SVEP1: variants seen among roughly 807,000 people sequenced by gnomAD.
The protein encoded by SVEP1 is sushi, von Willebrand factor type A, EGF and pentraxin domain-containing protein 1.
SVEP1 carries 164 observed loss-of-function variants against 367.3 expected under a neutral mutation model. The observed-to-expected ratio is 0.45, with a 90% confidence interval of 0.39 to 0.51. The LOEUF is 0.51. Among genes scored for constraint, SVEP1 ranks in the 20% least tolerant of loss-of-function variants. The pLI is 0.00. For synonymous variants in SVEP1, 1,666 were observed against 1,611.6 expected (o/e 1.03, Z -0.81); for missense variants, 4,117 against 4,425.3 (o/e 0.93, Z 1.98).
intron 1 of SVEP1, among the ~76,000 whole-genome samples, chr9:110,578,764 C>T (rs1248729072): frequency 6.6e-6 from 1 of 152,196 alleles, no homozygotes; most frequent in Non-Finnish European, 1.5e-5. Flanking sequence ...CCCTTCCTAA[C>T]AGGGTCCTCG....
chr9:110,386,692 G>C (rs1244369122), intron 42 of SVEP1, among the ~76,000 whole-genome samples: 4 of 152,154 alleles, frequency 2.6e-5, no homozygotes, highest in African/African-American at 9.7e-5. Context: ...CTTAGCGCAA[G>C]TGTGTGACAC....
At chr9:110,410,358 T>C (rs980001768) in intron 37 of SVEP1, among the ~76,000 whole-genome samples, 8 of 152,212 alleles carry the variant, frequency 5.3e-5, no homozygotes, top group African/African-American at 1.9e-4. Context: ...CTGAACTCTT[T>C]TGTCCATCAC....
At chr9:110,403,583 G>A (rs959918026) in intron 39 of SVEP1, among the ~76,000 whole-genome samples, 3 of 151,638 alleles carry the variant, frequency 2.0e-5, no homozygotes, top group Admixed American at 1.3e-4. Flanking sequence ...GATTACAGGC[G>A]TGAGCCACCG....
In SVEP1 at chr9:110,366,173, A is replaced by T. The variant is rs1827196340; in HGVS notation, c.*366T>A. ...TCATAAAATGGTACTATCCAGCAAA[A>T]TATTATTTAGTAGCAAAATATACTT... On this transcript the variant is annotated 3_prime_UTR_variant, in exon 48 of 48. Coordinates refer to ENST00000374469, the MANE Select transcript of SVEP1 (RefSeq NM_153366.4). The T allele has an allele frequency of 5.6e-6, 1 of 179,782 alleles. No homozygotes were observed. The highest frequency in any genetic ancestry group is 6.2e-5 in the Admixed American group (1 of 16,254). 11.1% of individuals were successfully genotyped at this position (179,782 alleles called of 1,614,324 possible).
intron 24 of SVEP1, among the ~76,000 whole-genome samples, chr9:110,449,432 A>G (rs1391546517): frequency 6.6e-6 from 1 of 152,230 alleles, no homozygotes; most frequent in Non-Finnish European, 1.5e-5. Flanking sequence ...TTTATCTGGT[A>G]TAAAAACTTT....
At chr9:110,404,753 G>A (rs890963442) in intron 38 of SVEP1, among the ~76,000 whole-genome samples, 1 of 152,130 alleles carries the variant, frequency 6.6e-6, no homozygotes, top group South Asian at 2.1e-4. Flanking sequence ...AGCTGGGTGC[G>A]GTGGCTCATG....
At chr9:110,551,028 G>A (rs1207525854) in intron 1 of SVEP1, among the ~76,000 whole-genome samples, 1 of 152,044 alleles carries the variant, frequency 6.6e-6, no homozygotes, top group African/African-American at 2.4e-5. Flanking sequence ...ATATTTTCTG[G>A]TAAGTTCTTA....
chr9:110,458,382 C>T, intron 20 of SVEP1, 89 bp downstream of exon 20: 1 of 1,105,736 alleles, frequency 9.0e-7, no homozygotes, highest in Non-Finnish European at 1.3e-6. Flanking sequence ...AAGTTTCAAT[C>T]CTGGTCCTTT....
At chr9:110,482,945 G>A (rs1179489633) in intron 10 of SVEP1, among the ~76,000 whole-genome samples, 1 of 152,144 alleles carries the variant, frequency 6.6e-6, no homozygotes, top group Non-Finnish European at 1.5e-5. Context: ...TTAATTTTAT[G>A]CAGTAACATA....
intron 46 of SVEP1, among the ~76,000 whole-genome samples, chr9:110,374,766 G>A (rs1374426632): frequency 2.6e-5 from 4 of 152,160 alleles, no homozygotes; most frequent in South Asian, 2.1e-4. Flanking sequence ...AAAGCAGTAC[G>A]GCGATTCCTC....
chr9:110,478,508 A>G (rs1829134089), intron 13 of SVEP1, among the ~76,000 whole-genome samples: 1 of 152,180 alleles, frequency 6.6e-6, no homozygotes, highest in African/African-American at 2.4e-5. Flanking sequence ...TGAGTCTAAC[A>G]CACACAAAAA....
intron 5 of SVEP1, among the ~76,000 whole-genome samples, chr9:110,503,879 C>A (rs1414840343): frequency 6.6e-6 from 1 of 152,116 alleles, no homozygotes; most frequent in Non-Finnish European, 1.5e-5. Flanking sequence ...TAGTTGCCCA[C>A]CCAATAGCCA....
chr9:110,527,609 T>C (rs886407209), intron 3 of SVEP1, among the ~76,000 whole-genome samples: 2 of 152,074 alleles, frequency 1.3e-5, no homozygotes, highest in Admixed American at 6.6e-5. Flanking sequence ...TCATTTTAAT[T>C]TGTATTTGTC....
chr9:110,546,499 C>A (rs190501186), intron 2 of SVEP1, among the ~76,000 whole-genome samples: 1 of 152,296 alleles, frequency 6.6e-6, no homozygotes, highest in East Asian at 1.9e-4. Flanking sequence ...TAAGTTATTC[C>A]AGTCTGGGAC....
chr9:110,485,761 C>T (rs1458627091), intron 9 of SVEP1, among the ~76,000 whole-genome samples: 1 of 152,128 alleles, frequency 6.6e-6, no homozygotes, highest in Non-Finnish European at 1.5e-5. Context: ...ACTTAAGAAA[C>T]TTGCTTGAGG....
At chr9:110,401,789 G>T (rs546052406) in intron 39 of SVEP1, among the ~76,000 whole-genome samples, 5 of 151,886 alleles carry the variant, frequency 3.3e-5, no homozygotes, top group African/African-American at 1.2e-4. Flanking sequence ...TAGGAAAATG[G>T]TTAATCTGTT....
intron 8 of SVEP1, among the ~76,000 whole-genome samples, chr9:110,495,387 C>G (rs891948926): frequency 2.0e-5 from 3 of 152,056 alleles, no homozygotes; most frequent in African/African-American, 7.2e-5. Context: ...AATGTAATCT[C>G]AAGGGTCCTT....
intron 36 of SVEP1, among the ~76,000 whole-genome samples, chr9:110,415,660 A>T (rs904226937): frequency 6.6e-6 from 1 of 151,988 alleles, no homozygotes; most frequent in Non-Finnish European, 1.5e-5. Context: ...GTAAAGAGAG[A>T]TAAGATGAGT....
chr9:110,537,788 G>C (rs1045867773), intron 3 of SVEP1, among the ~76,000 whole-genome samples: 2 of 151,366 alleles, frequency 1.3e-5, no homozygotes, highest in Non-Finnish European at 3.0e-5. Context: ...TTAAAGTCCT[G>C]CCAAAAAAAT....
Sources: gnomAD v4.1 joint callset for allele counts (sites outside exome capture counted in the v4.1 genomes callset) on GRCh38, gnomAD v4.1.1 for gene constraint, MANE v1.5 for transcripts, NCBI Gene and HGNC (gene_info 2026-07-23, HGNC 2026-07-21) for gene names.